The following ZNF407 variants were observed in gnomAD, a reference collection of about 807,000 sequenced individuals.
ZNF407 encodes the protein zinc finger protein 407.
ZNF407 carries 17 observed loss-of-function variants against 131.2 expected under a neutral mutation model. That is an observed-to-expected ratio of 0.13 (90% CI 0.09 to 0.19). The LOEUF (loss-of-function observed/expected upper bound fraction) is 0.19, where lower values mean the gene tolerates loss of function less well. ZNF407 is among the 10% of genes least tolerant of loss of function. The pLI, the probability that ZNF407 is intolerant of heterozygous loss-of-function variation, is 1.00. For missense variants in ZNF407, 2,681 were observed against 2,830.6 expected (o/e 0.95, Z 1.20); for synonymous variants, 1,156 against 1,062.0 (o/e 1.09, Z -1.72).
intron 8 of ZNF407, among the ~76,000 whole-genome samples, chr18:75,010,240 A>T (rs566421835): frequency 6.6e-6 from 1 of 152,306 alleles, no homozygotes; most frequent in African/African-American, 2.4e-5. Flanking sequence ...ATTTCATCTC[A>T]TGAGATTTGC....
intron 4 of ZNF407, among the ~76,000 whole-genome samples, chr18:74,824,057 C>A (rs1970377102): frequency 6.6e-6 from 1 of 152,216 alleles, no homozygotes; most frequent in Non-Finnish European, 1.5e-5. Flanking sequence ...GATTGAGAAA[C>A]TCACTTAAAA....
chr18:74,681,552 T>A (rs1170012178), intron 3 of ZNF407, among the ~76,000 whole-genome samples: 2 of 152,212 alleles, frequency 1.3e-5, no homozygotes, highest in Non-Finnish European at 2.9e-5. Context: ...CTGTTCTAGA[T>A]ACATACATTC....
At chr18:74,753,942 T>A (rs1968867039) in intron 3 of ZNF407, among the ~76,000 whole-genome samples, 1 of 151,844 alleles carries the variant, frequency 6.6e-6, no homozygotes, top group Non-Finnish European at 1.5e-5. Context: ...TAACAGCTCC[T>A]CTTTGTAGAA....
chr18:74,983,782 CAGAG>C (rs1444600746), intron 8 of ZNF407, among the ~76,000 whole-genome samples: 11 of 152,292 alleles, frequency 7.2e-5, no homozygotes, highest in Middle Eastern at 6.8e-3. Flanking sequence ...ATGCTAGTGA[CAGAG>C]AGAGGCCACA....
At chr18:74,740,252 C>T (rs2144917768) in intron 3 of ZNF407, among the ~76,000 whole-genome samples, 1 of 152,316 alleles carries the variant, frequency 6.6e-6, no homozygotes, top group Middle Eastern at 3.4e-3. Flanking sequence ...TTGCCATCTC[C>T]TCTGACGTCT....
chr18:74,736,709 A>G (rs1968422348), intron 3 of ZNF407, among the ~76,000 whole-genome samples: 1 of 152,126 alleles, frequency 6.6e-6, no homozygotes, highest in Admixed American at 6.5e-5. Flanking sequence ...CTTGGTGGAA[A>G]AGTTGTGGGG....
chr18:74,932,404 G>A (rs1246276005), intron 8 of ZNF407, among the ~76,000 whole-genome samples: 4 of 152,238 alleles, frequency 2.6e-5, no homozygotes, highest in Admixed American at 2.6e-4. Flanking sequence ...AATTAAGCAT[G>A]CATGGGTTTG....
At chr18:74,981,305 G>A (rs78707079) in intron 8 of ZNF407, among the ~76,000 whole-genome samples, 4,728 of 152,268 alleles carry the variant, frequency 0.031, 281 homozygotes, top group African/African-American at 0.11. Flanking sequence ...CTGGGCAGCC[G>A]GAAAGTGCGT....
intron 3 of ZNF407, among the ~76,000 whole-genome samples, chr18:74,646,162 A>G (rs1037155921): frequency 8.5e-5 from 13 of 152,238 alleles, no homozygotes; most frequent in African/African-American, 3.1e-4. Context: ...GGAATAAATT[A>G]AAATCACTAT....
At chr18:74,807,579 A>T (rs982528467) in intron 4 of ZNF407, among the ~76,000 whole-genome samples, 5 of 152,344 alleles carry the variant, frequency 3.3e-5, no homozygotes, top group African/African-American at 1.2e-4. Context: ...GTTGGACAGG[A>T]TATAATTTCA....
rs534279595 is a variant in ZNF407 at position 74,675,245 on chromosome 18, A to T, written c.4802+34123A>T. 3.3e-4 allele frequency among the ~76,000 whole-genome samples: 51 copies of T among 152,306 alleles called. 1 individual carries two copies. Among genetic ancestry groups the T allele is most frequent in the Admixed American group, 2.9e-3 (45 of 15,310 alleles). ...TAGGTTCAGTTGCCTTTTCTTGACC[A>T]GCCACTCATCACTTAACCTCTTATG... is the stretch of plus-strand genomic sequence containing the variant. On this transcript the variant is annotated intron_variant, in intron 3 of 8. Transcript: ENST00000299687.
chr18:74,993,387 C>T (rs1972741555), intron 8 of ZNF407, among the ~76,000 whole-genome samples: 2 of 152,170 alleles, frequency 1.3e-5, no homozygotes, highest in Non-Finnish European at 2.9e-5. Flanking sequence ...AGCGCAGACA[C>T]AGAAGAGTGC....
chr18:74,707,675 A>G (rs1967659056), intron 3 of ZNF407, among the ~76,000 whole-genome samples: 1 of 152,170 alleles, frequency 6.6e-6, no homozygotes, highest in African/African-American at 2.4e-5. Context: ...CATTAAAACC[A>G]TCTGGGCTTT....
intron 4 of ZNF407, among the ~76,000 whole-genome samples, chr18:74,863,942 G>GT (rs1224569415): frequency 2.7e-5 from 4 of 150,316 alleles, no homozygotes; most frequent in South Asian, 2.1e-4. Context: ...TCTTATTTTT[G>GT]TTTTTTTGTT....
chr18:75,040,258 G>A (rs765323819), intron 8 of ZNF407, among the ~76,000 whole-genome samples: 11 of 152,108 alleles, frequency 7.2e-5, no homozygotes, highest in African/African-American at 1.9e-4. Flanking sequence ...GGGCTTCTTC[G>A]GAGCCTAAAG....
At chr18:74,891,842 G>T (rs1241635376) in intron 7 of ZNF407, among the ~76,000 whole-genome samples, 1 of 152,094 alleles carries the variant, frequency 6.6e-6, no homozygotes, top group Non-Finnish European at 1.5e-5. Context: ...TACCCATTCA[G>T]TTTTTACTCT....
chr18:74,663,125 GT>G (rs201667494), intron 3 of ZNF407, among the ~76,000 whole-genome samples: 3 of 151,346 alleles, frequency 2.0e-5, no homozygotes, highest in Non-Finnish European at 4.4e-5. Flanking sequence ...AAGCAACCTA[GT>G]TTTTTTTTAA....
At chr18:74,803,852 A>G in intron 4 of ZNF407, 5 of 1,103,414 alleles carry the variant, frequency 4.5e-6, no homozygotes, top group Non-Finnish European at 6.5e-6. Flanking sequence ...TTTCTGGAGC[A>G]TGGTTTCAAA....
chr18:74,788,094 T>A (rs1384627130), intron 4 of ZNF407, among the ~76,000 whole-genome samples: 1 of 152,202 alleles, frequency 6.6e-6, no homozygotes, highest in East Asian at 1.9e-4. Context: ...GTGATCCATC[T>A]CTAGTCAGCA....
Sources: allele counts gnomAD v4.1 joint callset (sites outside exome capture counted in the v4.1 genomes callset), GRCh38; gene constraint gnomAD v4.1.1; transcripts MANE v1.5; gene names NCBI Gene and HGNC (gene_info 2026-07-23, HGNC 2026-07-21).